CADM1: variants seen among roughly 807,000 people sequenced by gnomAD.
CADM1 encodes cell adhesion molecule 1, also known as TSLC-1.
Under a neutral mutation model 53.1 loss-of-function variants are expected in CADM1, and 15 were observed. The observed-to-expected ratio is 0.28, with a 90% CI of 0.19 to 0.44. The LOEUF (loss-of-function observed/expected upper bound fraction) is 0.44, where lower values mean the gene tolerates loss of function less well. Ranked by LOEUF, CADM1 falls within the 20% of genes least tolerant of loss-of-function variation. CADM1 has a pLI of 1.00. For missense variants in CADM1, 434 were observed against 611.3 expected, an observed-to-expected ratio of 0.71 and a Z score of 3.06; for synonymous variants, 281 against 243.0, an observed-to-expected ratio of 1.16 and a Z score of -1.45.
intron 10 of CADM1, among the ~76,000 whole-genome samples, chr11:115,182,284 C>A (rs75466368): frequency 0.024 from 3,726 of 152,278 alleles, 137 homozygotes; most frequent in African/African-American, 0.084. Context: ...GCCTGATGCT[C>A]AGGCATATGG....
intron 1 of CADM1, chr11:115,340,191 G>A (rs1464650420): frequency 6.6e-6 from 1 of 152,036 alleles, no homozygotes; most frequent in Non-Finnish European, 1.5e-5. Context: ...TGAGCATAAT[G>A]ACTACCTAAG....
intron 1 of CADM1, among the ~76,000 whole-genome samples, chr11:115,257,411 A>G (rs1057286379): frequency 6.6e-6 from 1 of 152,222 alleles, no homozygotes; most frequent in Non-Finnish European, 1.5e-5. Context: ...ATGTTATTAA[A>G]TTGTAGCACT....
At chr11:115,455,235 T>C (rs540767111) in intron 1 of CADM1, among the ~76,000 whole-genome samples, 1 of 152,214 alleles carries the variant, frequency 6.6e-6, no homozygotes, top group African/African-American at 2.4e-5. Flanking sequence ...AACAGAAACT[T>C]AAAAGACCGC....
chr11:115,297,402 T>C (rs1944107658), intron 1 of CADM1, among the ~76,000 whole-genome samples: 1 of 152,204 alleles, frequency 6.6e-6, no homozygotes, highest in African/African-American at 2.4e-5. Flanking sequence ...TTAGAGATAC[T>C]GCTGTAATGA....
rs1945351983 is a variant in CADM1, at chr11:115,339,090, C to T, written c.125-98670G>A. Among the ~76,000 whole-genome samples the T allele has an allele frequency of 3.0e-5, 4 of 134,790 alleles. No homozygotes were observed. The Admixed American group carries it at 3.1e-4, about 10-fold the overall frequency. 88.4% of individuals were successfully genotyped at this position (134,790 alleles called of 152,430 possible). ...TCCCCAGAGTGTGATATTCCCCTTC[C>T]TGTGTCCAAGTGATCTCATTGTTCA... On this transcript the variant is annotated intron_variant, in intron 1 of 11. Coordinates refer to ENST00000331581, the MANE Select transcript of CADM1 (RefSeq NM_001301043.2).
At chr11:115,274,872 C>G (rs1418279709) in intron 1 of CADM1, among the ~76,000 whole-genome samples, 2 of 152,176 alleles carry the variant, frequency 1.3e-5, no homozygotes, top group African/African-American at 4.8e-5. Flanking sequence ...CATAAGCGCT[C>G]TCCTTTTGGC....
In CADM1 at chr11:115,414,300, T is replaced by C. The variant is rs563177152; in HGVS notation, c.124+89971A>G. ...TTACTAATTCAGGGAGCCCTAGTTA[T>C]CTTAATATTCATCATTTAAGCCCCC... On this transcript the variant is annotated intron_variant, in intron 1 of 11. Transcript: ENST00000331581. 4.6e-5 allele frequency among the ~76,000 whole-genome samples: 7 copies of C among 152,300 alleles called. No homozygotes were observed. In the South Asian group the frequency reaches 1.5e-3, roughly 32 times the overall value.
At chr11:115,317,070 T>C (rs1406971442) in intron 1 of CADM1, among the ~76,000 whole-genome samples, 1 of 152,212 alleles carries the variant, frequency 6.6e-6, no homozygotes, top group East Asian at 1.9e-4. Context: ...AGGACATTTA[T>C]TTTAAGAAGG....
At chr11:115,231,018 G>A (rs1357915161) in intron 4 of CADM1, among the ~76,000 whole-genome samples, 1 of 152,130 alleles carries the variant, frequency 6.6e-6, no homozygotes, top group East Asian at 1.9e-4. Flanking sequence ...TAGAATTGAA[G>A]GTACAGACAG....
chr11:115,435,320 G>A (rs1948158884), intron 1 of CADM1, among the ~76,000 whole-genome samples: 1 of 152,158 alleles, frequency 6.6e-6, no homozygotes, highest in Non-Finnish European at 1.5e-5. Context: ...ACAGGTCAAA[G>A]CCAGCCCAAA....
intron 1 of CADM1, among the ~76,000 whole-genome samples, chr11:115,441,181 C>T (rs1276802044): frequency 2.0e-5 from 3 of 151,642 alleles, no homozygotes; most frequent in African/African-American, 7.3e-5. Context: ...CCTGCCTGCT[C>T]ATGCTTGTAC....
intron 1 of CADM1, among the ~76,000 whole-genome samples, chr11:115,245,290 T>C: frequency 6.6e-6 from 1 of 151,930 alleles, no homozygotes; most frequent in East Asian, 1.9e-4. Flanking sequence ...AAACCAAAAC[T>C]ATTGATTGTT....
chr11:115,345,208 A>G (rs1010907252), intron 1 of CADM1, among the ~76,000 whole-genome samples: 1 of 152,228 alleles, frequency 6.6e-6, no homozygotes, highest in African/African-American at 2.4e-5. Flanking sequence ...AAGCTAAATT[A>G]GACTCTTAAC....
At chr11:115,341,835 A>G (rs1050743265) in intron 1 of CADM1, among the ~76,000 whole-genome samples, 1 of 152,218 alleles carries the variant, frequency 6.6e-6, no homozygotes, top group African/African-American at 2.4e-5. Flanking sequence ...CAAGTCTAAC[A>G]CATGCTGAAA....
chr11:115,216,894 A>G (rs530720247), intron 6 of CADM1, among the ~76,000 whole-genome samples: 1 of 152,282 alleles, frequency 6.6e-6, no homozygotes, highest in African/African-American at 2.4e-5. Flanking sequence ...CTTTGTTAAG[A>G]TGCTCTGAAT....
intron 1 of CADM1, among the ~76,000 whole-genome samples, chr11:115,356,786 A>G (rs1441746107): frequency 6.6e-6 from 1 of 152,222 alleles, no homozygotes; most frequent in Non-Finnish European, 1.5e-5. Context: ...ACTATAAAAT[A>G]TACACACGAG....
chr11:115,347,268 G>A (rs185644966), intron 1 of CADM1, among the ~76,000 whole-genome samples: 4 of 151,990 alleles, frequency 2.6e-5, no homozygotes, highest in South Asian at 2.1e-4. Flanking sequence ...ACTGCTTCTT[G>A]GCATACGTCT....
intron 1 of CADM1, among the ~76,000 whole-genome samples, chr11:115,475,815 T>G (rs1464423082): frequency 2.0e-5 from 3 of 152,132 alleles, no homozygotes; most frequent in Non-Finnish European, 2.9e-5. Flanking sequence ...CATGAGGGGA[T>G]CCGGGTGAGT....
chr11:115,269,041 G>A (rs1021572044), intron 1 of CADM1, among the ~76,000 whole-genome samples: 2 of 152,102 alleles, frequency 1.3e-5, no homozygotes, highest in Non-Finnish European at 2.9e-5. Flanking sequence ...CCCATAGTTC[G>A]AAGTATTTCT....
Sources: allele counts gnomAD v4.1 joint callset (sites outside exome capture counted in the v4.1 genomes callset), GRCh38; gene constraint gnomAD v4.1.1; transcripts MANE v1.5; gene names NCBI Gene and HGNC (gene_info 2026-07-23, HGNC 2026-07-21).